CACNA1A: variants seen among roughly 807,000 people sequenced by gnomAD.
The protein encoded by CACNA1A is voltage-dependent P/Q-type calcium channel subunit alpha-1A.
A neutral mutation model predicts 262.4 loss-of-function variants in CACNA1A; 57 were observed. The ratio of observed to expected loss-of-function variants is 0.22; its 90% CI spans 0.18 to 0.27. The LOEUF is 0.27. Ranked by LOEUF, CACNA1A falls within the 10% of genes least tolerant of loss-of-function variation. The pLI is 1.00. For synonymous variants in CACNA1A, 1,431 were observed against 1,419.3 expected (o/e 1.01, Z -0.18); for missense variants, 2,526 against 3,562.8 (o/e 0.71, Z 7.41).
chr19:13,336,594 G>GGAGAGAGAGGGAGAGGGAGA (rs1555768093), intron 6 of CACNA1A, among the ~76,000 whole-genome samples: 8 of 65,508 alleles, frequency 1.2e-4, no homozygotes, highest in African/African-American at 3.6e-4. Context: ...AGAGAGAGAG[G>GGAGAGAGAGGGAGAGGGAGA]GAGAGAGAGA....
At chr19:13,232,187 C>CTT (rs2055688834) in intron 34 of CACNA1A, among the ~76,000 whole-genome samples, 1 of 150,734 alleles carries the variant, frequency 6.6e-6, no homozygotes, top group African/African-American at 2.4e-5. Flanking sequence ...CTTTTCCTTT[C>CTT]TTTTCTCTCT....
chr19:13,352,764 C>T (rs910034096), intron 6 of CACNA1A, among the ~76,000 whole-genome samples: 15 of 152,142 alleles, frequency 9.9e-5, no homozygotes, highest in African/African-American at 3.6e-4. Context: ...CTGACCTAGA[C>T]TAGGGAACCA....
At chr19:13,307,728 T>C (rs2057935725) in intron 15 of CACNA1A, 54 bp downstream of exon 15, 3 of 1,502,368 alleles carry the variant, frequency 2.0e-6, no homozygotes, top group Non-Finnish European at 2.8e-6. Flanking sequence ...GAGCAGGCAC[T>C]TTCATCTGTG....
rs138132769 is a variant in CACNA1A, at chr19:13,485,937, T to C, written c.293+19995A>G. On this transcript the variant is annotated intron_variant, in intron 1 of 46. Transcript: ENST00000360228. ...CAACCAACAAAGCTGCTTATGCCAGTGCCCAAAAGAGAACAAAGTCACATG... is the reference window on the plus strand; with the variant it reads ...CAACCAACAAAGCTGCTTATGCCAGCGCCCAAAAGAGAACAAAGTCACATG... Among the ~76,000 whole-genome samples, 284 of 152,280 alleles carry C rather than the reference T, an allele frequency of 1.9e-3. 4 individuals carry two copies. The highest frequency in any genetic ancestry group is 6.7e-3 in the African/African-American group (277 of 41,550).
intron 1 of CACNA1A, among the ~76,000 whole-genome samples, chr19:13,486,177 A>G (rs1161726579): frequency 6.6e-6 from 1 of 152,256 alleles, no homozygotes. Context: ...AAGCAAGCGA[A>G]TGGTTCCCAT....
chr19:13,370,762 G>C (rs1307889370), intron 4 of CACNA1A: 1 of 148,144 alleles, frequency 6.8e-6, no homozygotes, highest in African/African-American at 2.5e-5. Context: ...AAAATTTGTA[G>C]ATATTGGCGG....
intron 1 of CACNA1A, among the ~76,000 whole-genome samples, chr19:13,480,204 C>T (rs1195914316): frequency 6.6e-6 from 1 of 152,150 alleles, no homozygotes; most frequent in Admixed American, 6.5e-5. Context: ...ACCAAGCGTG[C>T]TTGTCTTTCT....
At chr19:13,378,518 A>AC (rs1251983383) in intron 3 of CACNA1A, among the ~76,000 whole-genome samples, 1 of 152,014 alleles carries the variant, frequency 6.6e-6, no homozygotes, top group Non-Finnish European at 1.5e-5. Context: ...TGTCACAGGC[A>AC]CCCCAATCTT....
At position 13,333,448 on chromosome 19, in the gene CACNA1A, T is replaced by C. The variant is rs563403772; in HGVS notation, c.1199-523A>G. 1.7e-3 allele frequency among the ~76,000 whole-genome samples: 260 copies of C among 152,116 alleles called. 3 individuals are homozygous for C. Among genetic ancestry groups the C allele is most frequent in the African/African-American group, 6.0e-3 (251 of 41,520 alleles). Reference sequence around the variant, plus strand: ...CTCTAACTTCCTACTCTTTTTTTTTTCTCTGACACAGAGTCTCACTCTGTT... The same window carrying C: ...CTCTAACTTCCTACTCTTTTTTTTTCCTCTGACACAGAGTCTCACTCTGTT... On this transcript the variant is annotated intron_variant, in intron 8 of 46. Transcript: ENST00000360228.
At chr19:13,287,950 C>T (rs865978492) in intron 19 of CACNA1A, among the ~76,000 whole-genome samples, 5 of 152,030 alleles carry the variant, frequency 3.3e-5, no homozygotes, top group Non-Finnish European at 7.4e-5. Context: ...TACAGGCTCA[C>T]GCCACCATGT....
chr19:13,330,326 C>G lies in CACNA1A; in HGVS notation c.1263G>C (p.Arg421=). 1 of 1,560,698 alleles carries G rather than the reference C, an allele frequency of 6.4e-7. No individual in the cohort carries two copies. Among genetic ancestry groups the G allele is most frequent in the Non-Finnish European group, 8.7e-7 (1 of 1,151,288 alleles). The part of the protein sequence containing the change: ...GEQRHPFDAL[R]RTTIKKSKTD... ...TCTTGCTTTTCTTTATGGTGGTTCTCCGCAGAGCTCCAACAATGGAAACAT... is the reference window on the plus strand; with the variant it reads ...TCTTGCTTTTCTTTATGGTGGTTCTGCGCAGAGCTCCAACAATGGAAACAT... The change falls in exon 10 of 47, where the codon CGG becomes CGC. Residue 421 remains arginine (R), a synonymous_variant. Coordinates refer to ENST00000360228, the MANE Select transcript of CACNA1A (RefSeq NM_001127222.2).
intron 3 of CACNA1A, among the ~76,000 whole-genome samples, chr19:13,389,033 G>A (rs2059667571): frequency 6.6e-6 from 1 of 152,120 alleles, no homozygotes; most frequent in African/African-American, 2.4e-5. Flanking sequence ...CTCCCGAGTA[G>A]TTGGGATTAC....
chr19:13,215,033 A>G (rs1446395667), intron 38 of CACNA1A: 8 of 168,010 alleles, frequency 4.8e-5, no homozygotes, highest in South Asian at 2.8e-4. Context: ...TTTTTTAGAC[A>G]GAGTCTTGCT....
chr19:13,294,504 T>A (rs1174646260), intron 19 of CACNA1A, among the ~76,000 whole-genome samples: 1 of 146,392 alleles, frequency 6.8e-6, no homozygotes, highest in Non-Finnish European at 1.5e-5. Context: ...TTTTTTTTTT[T>A]TTTTTTGAGA....
chr19:13,455,289 G>T, intron 1 of CACNA1A, 77 bp from the exon 2 acceptor site: 2 of 826,258 alleles, frequency 2.4e-6, no homozygotes, highest in Non-Finnish European at 4.2e-6. Context: ...ACTGACCCCA[G>T]TGGAAAGATC....
At chr19:13,310,795 CTTT>C (rs747620000) in intron 12 of CACNA1A, among the ~76,000 whole-genome samples, 2 of 142,674 alleles carry the variant, frequency 1.4e-5, no homozygotes, top group African/African-American at 2.6e-5. Context: ...TAAAATTTTT[CTTT>C]TTTTTTTTTT....
chr19:13,238,890 C>T (rs2055972137), intron 31 of CACNA1A, among the ~76,000 whole-genome samples: 1 of 151,992 alleles, frequency 6.6e-6, no homozygotes, highest in Non-Finnish European at 1.5e-5. Context: ...CTCAGCCTAT[C>T]TCCCAGTTTT....
At chr19:13,322,324 C>G (rs1021117239) in intron 10 of CACNA1A, among the ~76,000 whole-genome samples, 1 of 152,008 alleles carries the variant, frequency 6.6e-6, no homozygotes, top group Non-Finnish European at 1.5e-5. Flanking sequence ...GCTGGCAGCA[C>G]CAGAAACTAA....
chr19:13,272,197 C>G (rs892500528), intron 24 of CACNA1A: 2 of 152,228 alleles, frequency 1.3e-5, no homozygotes, highest in African/African-American at 4.8e-5. Context: ...CAGTGGTGGT[C>G]ACTGGGAGGA....
Sources: gnomAD v4.1 joint callset for allele counts (sites outside exome capture counted in the v4.1 genomes callset) on GRCh38, gnomAD v4.1.1 for gene constraint, MANE v1.5 for transcripts, NCBI Gene and HGNC (gene_info 2026-07-23, HGNC 2026-07-21) for gene names.